The following SYNRG variants were observed in gnomAD, a reference collection of about 807,000 sequenced individuals.
SYNRG encodes the protein AP1 gamma subunit binding protein 1.
In SYNRG, 37 loss-of-function variants were observed where a neutral mutation model predicts 130.9. The observed-to-expected ratio is 0.28, with a 90% CI of 0.22 to 0.37. SYNRG has a LOEUF of 0.37. Ranked by LOEUF, SYNRG falls within the 10% of genes least tolerant of loss-of-function variation. The pLI is 1.00. For missense variants in SYNRG, 1,338 were observed against 1,588.9 expected, an observed-to-expected ratio of 0.84 and a Z score of 2.68; for synonymous variants, 539 against 568.1, an observed-to-expected ratio of 0.95 and a Z score of 0.73.
intron 1 of SYNRG, among the ~76,000 whole-genome samples, chr17:37,604,845 G>C (rs1418262969): frequency 2.6e-5 from 4 of 152,140 alleles, no homozygotes; most frequent in African/African-American, 9.7e-5. Context: ...TATGTCTCAG[G>C]GAATATGGAG....
chr17:37,535,871 G>T, intron 19 of SYNRG, 108 bp downstream of exon 19: 1 of 1,452,386 alleles, frequency 6.9e-7, no homozygotes, highest in Non-Finnish European at 9.5e-7. Flanking sequence ...ACATGCTCCA[G>T]TTGGCACCTC....
In SYNRG at chr17:37,571,828, TC is replaced by T; in HGVS notation, c.1060del (p.Glu354AsnfsTer6). On this transcript the variant is annotated frameshift_variant, in exon 9 of 22. Coordinates refer to ENST00000612223, the MANE Select transcript of SYNRG (RefSeq NM_007247.6). LOFTEE classifies it high-confidence loss of function. The stretch of plus-strand genomic sequence containing the variant: ...TATCATGGCTAGAACGGTATAAAGT[TC>T]TTCTTTTGTAAGTTTGCCAGGTGTA... ...RTTPGKLTKE[E>X]LYTVLAMIAV... 1 of 1,614,128 alleles carries T rather than the reference TC, an allele frequency of 6.2e-7. No individual in the cohort carries two copies. Among genetic ancestry groups the T allele is most frequent in the Non-Finnish European group, 8.5e-7 (1 of 1,180,020 alleles).
At chr17:37,600,156 G>A (rs1377587474) in intron 2 of SYNRG, among the ~76,000 whole-genome samples, 5 of 152,220 alleles carry the variant, frequency 3.3e-5, no homozygotes, top group Non-Finnish European at 7.3e-5. Context: ...TGGGAGAAAC[G>A]AGGAGTGATC....
At chr17:37,550,390 A>G (rs185283874) in intron 14 of SYNRG, among the ~76,000 whole-genome samples, 51 of 152,362 alleles carry the variant, frequency 3.3e-4, no homozygotes, top group Non-Finnish European at 6.2e-4. Context: ...GAAACAAAAC[A>G]AAAGGGGAAA....
At chr17:37,597,136 A>G (rs560621050) in intron 2 of SYNRG, among the ~76,000 whole-genome samples, 27 of 152,346 alleles carry the variant, frequency 1.8e-4, no homozygotes, top group African/African-American at 5.1e-4. Context: ...GAAATACTCA[A>G]TAAGACCTAT....
intron 19 of SYNRG, among the ~76,000 whole-genome samples, chr17:37,525,545 C>T (rs183801751): frequency 7.5e-4 from 114 of 152,312 alleles, no homozygotes; most frequent in Admixed American, 2.2e-3. Flanking sequence ...AAAAGTCACA[C>T]GTAAGCCGGG....
At chr17:37,598,010 A>G (rs1235811890) in intron 2 of SYNRG, among the ~76,000 whole-genome samples, 2 of 152,188 alleles carry the variant, frequency 1.3e-5, no homozygotes, top group Non-Finnish European at 2.9e-5. Context: ...ATGGACATCC[A>G]CATTTGTGGC....
At chr17:37,577,252 AT>A in intron 7 of SYNRG, 127 bp downstream of exon 7, 1 of 814,904 alleles carries the variant, frequency 1.2e-6, no homozygotes, top group South Asian at 1.7e-5. Context: ...AATGCATTAA[AT>A]ATATTTCAAG....
intron 20 of SYNRG, 28 bp from the exon 21 acceptor site, chr17:37,520,242 A>T: frequency 6.2e-7 from 1 of 1,614,148 alleles, no homozygotes; most frequent in Non-Finnish European, 8.5e-7. Context: ...CCACAGGTCA[A>T]CAACATTCCC....
intron 3 of SYNRG, among the ~76,000 whole-genome samples, chr17:37,589,375 T>C (rs1598560859): frequency 6.6e-6 from 1 of 152,158 alleles, no homozygotes; most frequent in Non-Finnish European, 1.5e-5. Context: ...ATGGGACAAA[T>C]ACATGAGCTC....
chr17:37,553,300 G>A lies in SYNRG; in HGVS notation c.2423C>T (p.Ala808Val), dbSNP rs148910441. 3.1e-6 allele frequency: 5 copies of A among 1,613,930 alleles called. No homozygotes were observed. The African/African-American group carries it at 6.7e-5, about 22-fold the overall frequency. The change falls in exon 14 of 22, where the codon GCA (alanine) becomes GTA (valine). Residue 808 changes from alanine to valine, a missense_variant. Around this residue, in one of 3 missense-constraint regions of SYNRG, gnomAD observed 1,146 missense variants for 1,342.3 expected, o/e 0.85. Transcript: ENST00000612223. ...VAFRHTKEDS[A>V]SVKSLDLPSI... Reference sequence around the variant, plus strand: ...AGGGAGATCTAAGGACTTCACTGATGCAGAGTCTTCTTTGGTGTGTCTGAA... The same window carrying A: ...AGGGAGATCTAAGGACTTCACTGATACAGAGTCTTCTTTGGTGTGTCTGAA...
chr17:37,561,261 T>C lies in SYNRG; in HGVS notation c.1601-4A>G. On this transcript the variant is annotated splice_polypyrimidine_tract_variant and splice_region_variant and intron_variant, in intron 12 of 21. Coordinates refer to ENST00000612223, the MANE Select transcript of SYNRG (RefSeq NM_007247.6). Reference sequence around the variant, plus strand: ...GCACTATATTTATCACCAGGATCTATGATAGAAAGGACAGAAGCTCAGTTA... The same window carrying C: ...GCACTATATTTATCACCAGGATCTACGATAGAAAGGACAGAAGCTCAGTTA... 1.2e-6 allele frequency: 2 copies of C among 1,613,270 alleles called. No homozygotes were observed. The highest frequency in any genetic ancestry group is 1.7e-6 in the Non-Finnish European group (2 of 1,179,732).
At chr17:37,555,651 A>G (rs2059063141) in intron 13 of SYNRG, among the ~76,000 whole-genome samples, 1 of 152,218 alleles carries the variant, frequency 6.6e-6, no homozygotes, top group Admixed American at 6.5e-5. Flanking sequence ...CTGTAATCCC[A>G]GCACTTTGGA....
intron 1 of SYNRG, among the ~76,000 whole-genome samples, chr17:37,602,793 G>A (rs2063405671): frequency 6.6e-6 from 1 of 152,206 alleles, no homozygotes; most frequent in Non-Finnish European, 1.5e-5. Flanking sequence ...GGAGGCCAAG[G>A]CAGGCGGATC....
chr17:37,537,055 T>C (rs1364177898), intron 18 of SYNRG: 1 of 152,162 alleles, frequency 6.6e-6, no homozygotes, highest in Non-Finnish European at 1.5e-5. Flanking sequence ...CTTCCATAGA[T>C]ACAAGGATAC....
intron 19 of SYNRG, among the ~76,000 whole-genome samples, chr17:37,528,631 G>A (rs1020822799): frequency 6.6e-6 from 1 of 152,262 alleles, no homozygotes; most frequent in East Asian, 1.9e-4. Flanking sequence ...TCTCCACTTT[G>A]AGCGTCTAAT....
chr17:37,525,635 C>T (rs1316982410), intron 19 of SYNRG, among the ~76,000 whole-genome samples: 2 of 152,104 alleles, frequency 1.3e-5, no homozygotes, highest in Non-Finnish European at 2.9e-5. Flanking sequence ...GAGTTCAAGA[C>T]CAGCCTGGCC....
intron 14 of SYNRG, among the ~76,000 whole-genome samples, chr17:37,544,666 G>C (rs1440823407): frequency 6.6e-6 from 1 of 152,102 alleles, no homozygotes; most frequent in Non-Finnish European, 1.5e-5. Context: ...TTAGCCCAAA[G>C]CTTTCTTGGT....
At chr17:37,525,790 A>T (rs1352773630) in intron 19 of SYNRG, among the ~76,000 whole-genome samples, 1 of 152,154 alleles carries the variant, frequency 6.6e-6, no homozygotes, top group Non-Finnish European at 1.5e-5. Context: ...ACATGGTGAA[A>T]CCCCGTCTCT....
Sources: allele counts gnomAD v4.1 joint callset (sites outside exome capture counted in the v4.1 genomes callset), GRCh38; gene constraint gnomAD v4.1.1; regional missense constraint gnomAD v4.1.1; transcripts MANE v1.5; gene names NCBI Gene and HGNC (gene_info 2026-07-23, HGNC 2026-07-21).